SHOC1: variants seen among roughly 807,000 people sequenced by gnomAD.
SHOC1 encodes protein shortage in chiasmata 1 ortholog.
In SHOC1, 136 loss-of-function variants were observed where a neutral mutation model predicts 179.2. That is an observed-to-expected ratio of 0.76 (90% confidence interval 0.66 to 0.87). The LOEUF (loss-of-function observed/expected upper bound fraction) is 0.87, where lower values mean the gene tolerates loss of function less well. Ranked by LOEUF, SHOC1 falls within the 40% of genes least tolerant of loss-of-function variation. SHOC1 has a pLI of 0.00. For synonymous variants in SHOC1, 489 were observed against 586.6 expected (o/e 0.83, Z 2.41); for missense variants, 1,538 against 1,700.8 (o/e 0.90, Z 1.68).
chr9:111,756,512 A>C (rs1834869679), intron 7 of SHOC1, 34 bp from the exon 8 acceptor site: 1 of 1,550,144 alleles, frequency 6.5e-7, no homozygotes. Context: ...GTTTTTAGAG[A>C]GGCTTTCCAA....
chr9:111,784,356 T>G lies in SHOC1; in HGVS notation c.169+1556A>C, dbSNP rs545315450. On this transcript the variant is annotated intron_variant, in intron 3 of 27. Transcript: ENST00000682961. Reference sequence around the variant, plus strand: ...AGAAAATCTTTATTCTTCTATTTTGTGACCCCCTCACTGTTGACAATTTGT... The same window carrying G: ...AGAAAATCTTTATTCTTCTATTTTGGGACCCCCTCACTGTTGACAATTTGT... Among the ~76,000 whole-genome samples, 3 of 152,332 alleles carry G rather than the reference T, an allele frequency of 2.0e-5. No individual in the cohort carries two copies. In the East Asian group the frequency reaches 5.8e-4, roughly 29 times the overall value.
chr9:111,713,045 C>G (rs1053573203), intron 18 of SHOC1, 55 bp downstream of exon 18: 1 of 1,113,854 alleles, frequency 9.0e-7, no homozygotes, highest in Non-Finnish European at 1.3e-6. Flanking sequence ...GATCAATACA[C>G]TTTTATAAGT....
At chr9:111,694,032 A>G (rs531324476) in intron 25 of SHOC1, 84 bp from the exon 26 acceptor site, 3 of 1,238,546 alleles carry the variant, frequency 2.4e-6, no homozygotes, top group Non-Finnish European at 3.3e-6. Context: ...ATTTCTTCCT[A>G]GAAAAGAGTT....
intron 27 of SHOC1, 44 bp from the exon 28 acceptor site, chr9:111,686,914 A>T: frequency 1.4e-5 from 15 of 1,077,764 alleles, no homozygotes; most frequent in Non-Finnish European, 1.8e-5. Context: ...TGCTTACAAT[A>T]GTAAAGTATA....
chr9:111,759,844 G>C (rs939288680), intron 5 of SHOC1, among the ~76,000 whole-genome samples: 3 of 152,122 alleles, frequency 2.0e-5, no homozygotes, highest in African/African-American at 4.8e-5. Context: ...CCCTTTGCTT[G>C]GTGCTAACTT....
At position 111,738,330 on chromosome 9, in the gene SHOC1, T is replaced by C. The variant is rs763499804; in HGVS notation, c.1367A>G (p.Asn456Ser). 12 of 1,612,134 alleles carry C rather than the reference T, an allele frequency of 7.4e-6. No homozygotes were observed. The highest frequency in any genetic ancestry group is 1.0e-5 in the Non-Finnish European group (12 of 1,179,356). The change falls in exon 12 of 28, where the codon AAT becomes AGT. Residue 456 changes from asparagine to serine, a missense_variant. Physicochemically the swap from Asn to Ser is conservative, Grantham distance 46 (BLOSUM62 1). Coordinates refer to ENST00000682961, the MANE Select transcript of SHOC1 (RefSeq NM_001378211.1). ...CAAAAATATCTCAATTTTAGTGTCA[T>C]TAGAAGACAAATTATCATGACATAA... The part of the protein sequence containing the change: ...TYLCHDNLSS[N>S]DTKIEIFLPT...
In SHOC1 at chr9:111,739,123, T is replaced by C. The variant is rs548460235; in HGVS notation, c.1175-601A>G. 1.8e-4 allele frequency among the ~76,000 whole-genome samples: 27 copies of C among 152,166 alleles called. 1 individual carries two copies. Among genetic ancestry groups the C allele is most frequent in the Admixed American group, 4.6e-4 (7 of 15,278 alleles). ...GAAACTCTAATTTTGGAATGGTGCT[T>C]TTATAATGACAGTAATATTAAGAAG... is the stretch of plus-strand genomic sequence containing the variant. On this transcript the variant is annotated intron_variant, in intron 11 of 27. Transcript: ENST00000682961.
intron 8 of SHOC1, among the ~76,000 whole-genome samples, chr9:111,748,934 C>T (rs957299828): frequency 7.0e-6 from 1 of 143,450 alleles, no homozygotes; most frequent in Non-Finnish European, 1.5e-5. Context: ...CTTCTCCACC[C>T]TAGATGTCTG....
chr9:111,750,216 A>G (rs914930641), intron 8 of SHOC1, among the ~76,000 whole-genome samples: 1 of 152,076 alleles, frequency 6.6e-6, no homozygotes, highest in Non-Finnish European at 1.5e-5. Flanking sequence ...CTTTTTAATA[A>G]TAGCCATTCT....
chr9:111,789,936 G>A (rs12235800), intron 2 of SHOC1, among the ~76,000 whole-genome samples: 25,871 of 152,080 alleles, frequency 0.17, 2,473 homozygotes, highest in East Asian at 0.4. Context: ...CCTGTAAAAT[G>A]TAGCACAGTT....
chr9:111,779,087 AG>A (rs1409369439), intron 4 of SHOC1, among the ~76,000 whole-genome samples: 3 of 134,600 alleles, frequency 2.2e-5, no homozygotes, highest in African/African-American at 8.4e-5. Context: ...CGACAGAGCG[AG>A]ACTCTGTGTC....
At chr9:111,750,534 C>T (rs1352676675) in intron 8 of SHOC1, among the ~76,000 whole-genome samples, 1 of 152,116 alleles carries the variant, frequency 6.6e-6, no homozygotes, top group Non-Finnish European at 1.5e-5. Context: ...GGGGTTTCAC[C>T]ATGTTGGCCA....
chr9:111,705,425 T>C (rs1832221688), intron 20 of SHOC1, 61 bp from the exon 21 acceptor site: 3 of 672,510 alleles, frequency 4.5e-6, no homozygotes, highest in African/African-American at 2.6e-5. Context: ...CTCTTTCTCT[T>C]TTTTTTTTTA....
intron 5 of SHOC1, among the ~76,000 whole-genome samples, chr9:111,767,798 A>G (rs1203966754): frequency 6.6e-6 from 1 of 152,196 alleles, no homozygotes; most frequent in African/African-American, 2.4e-5. Context: ...TTTTAGCAAT[A>G]TTAATTCTTT....
chr9:111,692,478 C>A lies in SHOC1; in HGVS notation c.3499G>T (p.Gly1167Cys). The change falls in exon 27 of 28, where the codon GGT (glycine) becomes TGT (cysteine). Residue 1167 changes from glycine (G) to cysteine (C), a missense_variant. Transcript: ENST00000682961. ...GGTGATTTTGTTATGGAAGAAGAACCAATCTTGAATAGGGAAGTGATGCTA... is the reference window on the plus strand; with the variant it reads ...GGTGATTTTGTTATGGAAGAAGAACAAATCTTGAATAGGGAAGTGATGCTA... ...FCSITSLFKIGSSSITKSPQI... is the reference protein window; with the variant it reads ...FCSITSLFKICSSSITKSPQI... The A allele has an allele frequency of 1.9e-6, 3 of 1,596,674 alleles. No individual in the cohort carries two copies. In the South Asian group the frequency reaches 3.4e-5, roughly 18 times the overall value.
intron 5 of SHOC1, among the ~76,000 whole-genome samples, chr9:111,764,771 A>G (rs1161267927): frequency 1.3e-5 from 2 of 152,204 alleles, no homozygotes; most frequent in African/African-American, 4.8e-5. Context: ...AAACTGTTTC[A>G]AAGAGTTAAA....
In SHOC1 at chr9:111,779,698, T is replaced by C. The variant is rs142673860; in HGVS notation, c.257+1232A>G. On this transcript the variant is annotated intron_variant, in intron 4 of 27. Transcript: ENST00000682961. The stretch of plus-strand genomic sequence containing the variant: ...GCATCTTGTTACTCAAGGTAGGTCT[T>C]TGGACTGGCAGCATCATTACCACCT... 2.1e-4 allele frequency among the ~76,000 whole-genome samples: 32 copies of C among 152,220 alleles called. No individual in the cohort carries two copies. In the East Asian group the frequency reaches 5.6e-3, roughly 27 times the overall value.
At chr9:111,751,558 A>C (rs985933652) in intron 8 of SHOC1, among the ~76,000 whole-genome samples, 2 of 152,164 alleles carry the variant, frequency 1.3e-5, no homozygotes, top group African/African-American at 4.8e-5. Context: ...CAGTTCTCCT[A>C]TTTATAAAAT....
chr9:111,704,606 C>T (rs1424139953), intron 21 of SHOC1, among the ~76,000 whole-genome samples: 2 of 152,150 alleles, frequency 1.3e-5, no homozygotes, highest in African/African-American at 2.4e-5. Context: ...TGCATAAAAA[C>T]AAAAGCATGG....
Sources: gnomAD v4.1 joint callset for allele counts (sites outside exome capture counted in the v4.1 genomes callset) on GRCh38, gnomAD v4.1.1 for gene constraint, MANE v1.5 for transcripts, NCBI Gene and HGNC (gene_info 2026-07-23, HGNC 2026-07-21) for gene names.